ASTN2: variants seen among roughly 807,000 people sequenced by gnomAD.
ASTN2 encodes the protein astrotactin-2.
ASTN2 carries 54 observed loss-of-function variants against 139.8 expected under a neutral mutation model. The observed-to-expected ratio is 0.39, with a 90% CI of 0.31 to 0.48. ASTN2 has a LOEUF of 0.48. Among genes scored for constraint, ASTN2 ranks in the 20% least tolerant of loss-of-function variants. The pLI, the probability that ASTN2 is intolerant of heterozygous loss-of-function variation, is 0.95. For synonymous variants in ASTN2, 756 were observed against 719.5 expected (o/e 1.05, Z -0.81); for missense variants, 1,565 against 1,725.1 (o/e 0.91, Z 1.64).
chr9:117,016,531 A>G (rs1837678573), intron 6 of ASTN2, among the ~76,000 whole-genome samples: 1 of 147,722 alleles, frequency 6.8e-6, no homozygotes, highest in Non-Finnish European at 1.5e-5. Context: ...TCATCACTGC[A>G]TATCCCAGAA....
chr9:116,821,858 G>T (rs1831493050), intron 11 of ASTN2, among the ~76,000 whole-genome samples: 1 of 152,010 alleles, frequency 6.6e-6, no homozygotes, highest in South Asian at 2.1e-4. Context: ...GAGACAGATG[G>T]CTATTGATTA....
At chr9:116,513,115 G>C (rs1235303540) in intron 19 of ASTN2, among the ~76,000 whole-genome samples, 1 of 152,094 alleles carries the variant, frequency 6.6e-6, no homozygotes, top group Non-Finnish European at 1.5e-5. Flanking sequence ...TTACAATTTG[G>C]CATGTTTTTG....
chr9:116,791,588 A>T (rs1450768976), intron 13 of ASTN2, among the ~76,000 whole-genome samples: 1 of 152,232 alleles, frequency 6.6e-6, no homozygotes, highest in African/African-American at 2.4e-5. Context: ...CTTTGGAAGC[A>T]GCCATTATGA....
intron 4 of ASTN2, among the ~76,000 whole-genome samples, chr9:117,122,731 G>T (rs903208326): frequency 2.6e-5 from 4 of 152,132 alleles, no homozygotes; most frequent in African/African-American, 9.7e-5. Context: ...GGTGGCTACG[G>T]CTGTGTTCAT....
chr9:117,002,965 T>C (rs1837234342), intron 7 of ASTN2, among the ~76,000 whole-genome samples: 1 of 152,094 alleles, frequency 6.6e-6, no homozygotes, highest in Admixed American at 6.6e-5. Flanking sequence ...AGGAAAAGTG[T>C]TTGGGCTGAA....
intron 20 of ASTN2, among the ~76,000 whole-genome samples, chr9:116,447,087 G>A (rs1241747250): frequency 6.6e-6 from 1 of 152,056 alleles, no homozygotes; most frequent in Admixed American, 6.6e-5. Flanking sequence ...TCACAGCAGA[G>A]GCATCTCCAG....
Position 116,654,147 on chromosome 9 carries a change from C to T in ASTN2, c.2807-2354G>A, listed in dbSNP as rs79841153. ...AGGACACTAGGGACTCATTAGCCCA[C>T]GCTCTGGCCTAGGTCAACAAACTAT... On this transcript the variant is annotated intron_variant, in intron 16 of 22. Coordinates refer to ENST00000313400, the MANE Select transcript of ASTN2 (RefSeq NM_001365068.1). Among the ~76,000 whole-genome samples, 204 of 152,302 alleles carry T rather than the reference C, an allele frequency of 1.3e-3. 1 individual carries two copies. Among genetic ancestry groups the T allele is most frequent in the African/African-American group, 4.5e-3 (189 of 41,568 alleles).
chr9:116,455,718 A>C (rs1316713648), intron 20 of ASTN2, among the ~76,000 whole-genome samples: 6 of 151,990 alleles, frequency 3.9e-5, no homozygotes, highest in African/African-American at 1.4e-4. Context: ...AAAAAGGCCC[A>C]AGCCATCCTT....
chr9:116,495,005 ACAT>A (rs1240936897), intron 19 of ASTN2, among the ~76,000 whole-genome samples: 4 of 152,172 alleles, frequency 2.6e-5, no homozygotes, highest in South Asian at 4.1e-4. Context: ...TATTTACTCG[ACAT>A]CAGCACCTGG....
intron 13 of ASTN2, among the ~76,000 whole-genome samples, chr9:116,802,867 C>T (rs1002223809): frequency 5.3e-5 from 8 of 152,198 alleles, no homozygotes; most frequent in Non-Finnish European, 1.0e-4. Context: ...CAGGCTCCTT[C>T]CTGGACAGGA....
At chr9:117,112,197 C>A (rs983051852) in intron 4 of ASTN2, among the ~76,000 whole-genome samples, 4 of 151,564 alleles carry the variant, frequency 2.6e-5, no homozygotes, top group African/African-American at 9.7e-5. Flanking sequence ...TGTTAAGATG[C>A]TTTCTCCCCA....
chr9:116,443,579 C>T (rs1010395070), intron 20 of ASTN2, among the ~76,000 whole-genome samples: 1 of 152,064 alleles, frequency 6.6e-6, no homozygotes, highest in Non-Finnish European at 1.5e-5. Context: ...AGCCTCTGTC[C>T]TCTGTCCTAT....
intron 16 of ASTN2, among the ~76,000 whole-genome samples, chr9:116,678,633 G>A (rs1859647643): frequency 6.6e-6 from 1 of 152,112 alleles, no homozygotes; most frequent in African/African-American, 2.4e-5. Context: ...GCTTATAAAG[G>A]GTTGATCTTG....
At chr9:117,356,596 T>C (rs562290462) in intron 1 of ASTN2, among the ~76,000 whole-genome samples, 125 of 152,316 alleles carry the variant, frequency 8.2e-4, no homozygotes, top group African/African-American at 2.9e-3. Flanking sequence ...TTCTGTTCAA[T>C]CTGATCTTCA....
intron 7 of ASTN2, among the ~76,000 whole-genome samples, chr9:117,007,628 C>T (rs1041557647): frequency 3.3e-5 from 5 of 152,056 alleles, no homozygotes; most frequent in African/African-American, 1.2e-4. Context: ...TAAAAATATG[C>T]CTGGCTACTA....
chr9:117,363,406 A>G (rs1022702681), intron 1 of ASTN2, among the ~76,000 whole-genome samples: 1 of 152,178 alleles, frequency 6.6e-6, no homozygotes, highest in Admixed American at 6.5e-5. Context: ...TATAAGTAAA[A>G]CAAAGCGCAG....
chr9:117,142,594 G>T (rs1254857725), intron 3 of ASTN2, among the ~76,000 whole-genome samples: 1 of 152,146 alleles, frequency 6.6e-6, no homozygotes, highest in African/African-American at 2.4e-5. Context: ...ATTGTTAGTA[G>T]CCACATTTCC....
At chr9:117,198,098 T>C (rs765202135) in intron 3 of ASTN2, among the ~76,000 whole-genome samples, 8 of 152,114 alleles carry the variant, frequency 5.3e-5, no homozygotes, top group Non-Finnish European at 8.8e-5. Flanking sequence ...ATACACAGAA[T>C]GTGCAGGTTT....
intron 10 of ASTN2, among the ~76,000 whole-genome samples, chr9:116,897,784 T>C (rs1241218938): frequency 1.3e-5 from 2 of 151,986 alleles, no homozygotes; most frequent in African/African-American, 4.8e-5. Flanking sequence ...CAAGCACACA[T>C]TACAGCATTC....
Sources: gnomAD v4.1 joint callset for allele counts (sites outside exome capture counted in the v4.1 genomes callset) on GRCh38, gnomAD v4.1.1 for gene constraint, MANE v1.5 for transcripts, NCBI Gene and HGNC (gene_info 2026-07-23, HGNC 2026-07-21) for gene names.